Variants in VWF observed in about 807,000 individuals in gnomAD.
The protein encoded by VWF is von Willebrand factor, also known as Factor VIII related antigen.
In VWF, 176 loss-of-function variants were observed where a neutral mutation model predicts 308.6. That is an observed-to-expected ratio of 0.57 (90% CI 0.50 to 0.65). The LOEUF (loss-of-function observed/expected upper bound fraction) is 0.65. VWF is among the 30% of genes least tolerant of loss of function. The pLI, the probability that VWF is intolerant of heterozygous loss-of-function variation, is 0.00. For missense variants in VWF, 3,146 were observed against 3,648.2 expected, an observed-to-expected ratio of 0.86 and a Z score of 3.55; for synonymous variants, 1,385 against 1,443.4, an observed-to-expected ratio of 0.96 and a Z score of 0.92.
chr12:6,064,350 G>A lies in VWF; in HGVS notation c.1328C>T (p.Ser443Phe). Residue 443 changes from serine to phenylalanine, a missense_variant, in exon 12 of 52, where the codon TCC becomes TTC. Physicochemically the swap from Ser to Phe is radical, Grantham distance 155 (BLOSUM62 -2). Transcript: ENST00000261405. ...CAGGCCAGGCAGCCGGACGGTGACGGAGCGGGTGCACACAGCGTCGCGGTC... is the reference window on the plus strand; with the variant it reads ...CAGGCCAGGCAGCCGGACGGTGACGAAGCGGGTGCACACAGCGTCGCGGTC... ...ADDRDAVCTR[S>F]VTVRLPGLHN... The A allele has an allele frequency of 1.9e-6, 3 of 1,614,174 alleles. No individual in the cohort carries two copies. Among genetic ancestry groups the A allele is most frequent in the Non-Finnish European group, 2.5e-6 (3 of 1,180,046 alleles).
At chr12:6,089,741 T>A (rs1945010600) in intron 6 of VWF, among the ~76,000 whole-genome samples, 1 of 151,988 alleles carries the variant, frequency 6.6e-6, no homozygotes, top group Non-Finnish European at 1.5e-5. Context: ...GTTTGCAAAA[T>A]AAAATGAGAC....
Position 6,011,745 on chromosome 12 carries a change from T to C in VWF, c.5714A>G (p.Gln1905Arg). The change falls in exon 34 of 52, where the codon CAG becomes CGG. Residue 1905 changes from glutamine to arginine, a missense_variant. Physicochemically the swap from Gln to Arg is conservative, Grantham distance 43. Transcript: ENST00000261405. ...LPDQCHTVTCQPDGQTLLKSH... is the reference protein window; with the variant it reads ...LPDQCHTVTCRPDGQTLLKSH... The stretch of plus-strand genomic sequence containing the variant: ...CTTCAGCAAGGTCTGGCCATCTGGC[T>C]GGCAAGTCACGGTGTGGCACTGGTC... 1.9e-6 allele frequency: 3 copies of C among 1,613,744 alleles called. No homozygotes were observed. Among genetic ancestry groups the C allele is most frequent in the Non-Finnish European group, 2.5e-6 (3 of 1,179,810 alleles).
Position 5,968,165 on chromosome 12 carries a change from G to A in VWF, c.7732C>T (p.Arg2578Cys), listed in dbSNP as rs369970893. The change falls in exon 46 of 52, where the codon CGC (arginine) becomes TGC (cysteine). Residue 2578 changes from arginine (R) to cysteine (C), a missense_variant and splice_region_variant. This residue lies in a region of VWF where 989 missense variants were observed against 1,117.4 expected (regional missense o/e 0.89). Transcript: ENST00000261405. Reference protein sequence around the residue: ...SACCPSCRCERMEACMLNGTV... With the variant: ...SACCPSCRCECMEACMLNGTV... ...CCATTGAGCATGCAGGCCTCCATGC[G>A]CTCTGGGGGAGAGAAAAGTGCAGAG... 1.3e-5 allele frequency: 21 copies of A among 1,613,910 alleles called. No homozygotes were observed. The highest frequency in any genetic ancestry group is 8.0e-5 in the African/African-American group (6 of 74,926).
chr12:5,959,330 A>C (rs1943284926), intron 47 of VWF, among the ~76,000 whole-genome samples: 1 of 152,234 alleles, frequency 6.6e-6, no homozygotes, highest in Non-Finnish European at 1.5e-5. Flanking sequence ...TGAAGCAAAA[A>C]TGGATAGAAC....
rs372535433 is a variant in VWF, at chr12:6,019,788, G to A, written c.3675-45C>T. On this transcript the variant is annotated intron_variant, in intron 27 of 51. Transcript: ENST00000261405. The surrounding 1 kb of genome is among the most constrained non-coding windows in gnomAD (Gnocchi z 5.8). The stretch of plus-strand genomic sequence containing the variant: ...AATTAAAATGGTTCAGGAAGAACCT[G>A]TGGACACTTCTGAGCCCTACAGTGT... The A allele has an allele frequency of 9.1e-5, 142 of 1,561,528 alleles. 1 individual carries two copies. The highest frequency in any genetic ancestry group is 7.8e-4 in the South Asian group (67 of 86,312).
rs1944021360 is a variant in VWF, at chr12:6,013,540, A to G, written c.5561T>C (p.Ile1854Thr). 3.1e-6 allele frequency: 5 copies of G among 1,614,030 alleles called. No individual in the cohort carries two copies. The highest frequency in any genetic ancestry group is 3.3e-5 in the Admixed American group (2 of 60,000). ...GGTGACCATGGTAGGGAGGTCTTCG[A>G]TTCGCTGGAGCTTCACCACGTTGGA... ...GDSNVVKLQRIEDLPTMVTLG... is the reference protein window; with the variant it reads ...GDSNVVKLQRTEDLPTMVTLG... Residue 1854 changes from isoleucine (I) to threonine (T), a missense_variant, in exon 32 of 52, where the codon ATC becomes ACC. Ile to Thr is a moderately conservative substitution (Grantham distance 89). Transcript: ENST00000261405.
rs1183608806 is a variant in VWF, at chr12:5,998,483, AAAAAAAAAAAAAAAAATAT to A, written c.5843-2280_5843-2262del. 1.3e-4 allele frequency among the ~76,000 whole-genome samples: 8 copies of A among 59,724 alleles called. No homozygotes were observed. In the South Asian group the frequency reaches 2.1e-3, roughly 16 times the overall value. 39.2% of individuals were successfully genotyped at this position (59,724 alleles called of 152,430 possible). A position where few individuals can be genotyped will look rare whatever the true frequency, so the allele number is the denominator to read the frequency against. The stretch of plus-strand genomic sequence containing the variant: ...ACTCCGTCAAAAAAAAAAAAAAAAA[AAAAAAAAAAAAAAAAATAT>A]ATATATATATATATATATATATATA... On this transcript the variant is annotated intron_variant, in intron 34 of 51. Transcript: ENST00000261405.
chr12:6,113,288 G>A (rs1314226684), intron 3 of VWF, among the ~76,000 whole-genome samples: 2 of 150,392 alleles, frequency 1.3e-5, no homozygotes, highest in Non-Finnish European at 2.9e-5. Context: ...AAGTGATTGC[G>A]TAGAGAAACT....
chr12:6,054,797 C>T (rs927450829), intron 15 of VWF, among the ~76,000 whole-genome samples: 7 of 152,178 alleles, frequency 4.6e-5, no homozygotes, highest in Non-Finnish European at 8.8e-5. Context: ...CCTCTTCTTA[C>T]GAATAGATTC....
intron 19 of VWF, 24 bp from the exon 20 acceptor site, chr12:6,034,850 G>A: frequency 6.2e-7 from 1 of 1,612,682 alleles, no homozygotes; most frequent in East Asian, 2.2e-5. Context: ...TGGCAGAGAT[G>A]ACAAGTTGGG....
At chr12:5,972,129 C>T (rs908543818) in intron 43 of VWF, among the ~76,000 whole-genome samples, 16 of 152,176 alleles carry the variant, frequency 1.1e-4, no homozygotes, top group African/African-American at 3.6e-4. Context: ...CCATACAAGA[C>T]GAACACTCGA....
chr12:6,087,651 C>T (rs1281738392), intron 6 of VWF, among the ~76,000 whole-genome samples: 2 of 151,756 alleles, frequency 1.3e-5, no homozygotes, highest in Non-Finnish European at 2.9e-5. Flanking sequence ...AGGCTGAGCC[C>T]CCGCGCCTGG....
intron 34 of VWF, among the ~76,000 whole-genome samples, chr12:6,006,635 C>T (rs1412576734): frequency 6.6e-6 from 1 of 151,896 alleles, no homozygotes; most frequent in Non-Finnish European, 1.5e-5. Context: ...AAAAATTAGC[C>T]AGGCATGGTG....
Position 6,075,375 on chromosome 12 carries a change from C to G in VWF, c.834G>C (p.Glu278Asp). 1 of 1,614,148 alleles carries G rather than the reference C, an allele frequency of 6.2e-7. No homozygotes were observed. Among genetic ancestry groups the G allele is most frequent in the Non-Finnish European group, 8.5e-7 (1 of 1,180,042 alleles). ...LLEYARTCAQ[E>D]GMVLYGWTDH... The stretch of plus-strand genomic sequence containing the variant: ...CGGTCCAGCCGTACAGCACCATTCC[C>G]TCCTGGGCACAGGTCCGGGCGTACT... Residue 278 changes from glutamate to aspartate, a missense_variant, in exon 7 of 52, where the codon GAG (glutamate) becomes GAC (aspartate). By Grantham distance (45) the Glu-to-Asp change is conservative (BLOSUM62 2). Transcript: ENST00000261405. This position sits in a 1 kb window ranked among gnomAD's most constrained non-coding sequence, Gnocchi z 4.7.
At chr12:6,038,414 C>T (rs1420276551) in intron 18 of VWF, among the ~76,000 whole-genome samples, 3 of 152,340 alleles carry the variant, frequency 2.0e-5, no homozygotes, top group Middle Eastern at 3.4e-3. Flanking sequence ...CTCAGCAGCA[C>T]ATGTTGCCCC....
At chr12:5,955,002 C>T (rs1425068437) in intron 47 of VWF, among the ~76,000 whole-genome samples, 1 of 151,562 alleles carries the variant, frequency 6.6e-6, no homozygotes, top group Non-Finnish European at 1.5e-5. Context: ...AAATGAACCA[C>T]CAATAATCTA....
At chr12:5,974,120 T>C (rs1302891433) in intron 43 of VWF, among the ~76,000 whole-genome samples, 2 of 152,192 alleles carry the variant, frequency 1.3e-5, no homozygotes, top group South Asian at 4.1e-4. Context: ...TGGACCGGCA[T>C]ATATGAGCCC....
In VWF at chr12:6,023,667, C is replaced by G; in HGVS notation, c.3343G>C (p.Gly1115Arg). 1 of 1,613,898 alleles carries G rather than the reference C, an allele frequency of 6.2e-7. No individual in the cohort carries two copies. The highest frequency in any genetic ancestry group is 1.7e-4 in the Middle Eastern group (1 of 6,058). ...GCCGTCCTCCAGGTCACCACCTTGC[C>G]ATGCTGGGCACACACGTGGGCATAG... ...AAYAHVCAQH[G>R]KVVTWRTATL... The change falls in exon 25 of 52, where the codon GGC (glycine) becomes CGC (arginine). Residue 1115 changes from glycine (G) to arginine (R), a missense_variant. By Grantham distance (125) the Gly-to-Arg change is moderately radical. Around this residue, in one of 3 missense-constraint regions of VWF, gnomAD observed 853 missense variants for 1,177.8 expected, o/e 0.72. Transcript: ENST00000261405.
At position 6,088,011 on chromosome 12, in the gene VWF, C is replaced by T. The variant is rs534669655; in HGVS notation, c.657+7449G>A. Among the ~76,000 whole-genome samples, 80 of 152,288 alleles carry T rather than the reference C, an allele frequency of 5.3e-4. No homozygotes were observed. In the South Asian group the frequency reaches 7.5e-3, roughly 14 times the overall value. ...ACTGTGCCTCCCTGAGGAAGCCAGG[C>T]CAACACCATCACATGTCATGATGCA... On this transcript the variant is annotated intron_variant, in intron 6 of 51. Transcript: ENST00000261405.
Sources: gnomAD v4.1 joint callset for allele counts (sites outside exome capture counted in the v4.1 genomes callset) on GRCh38, gnomAD v4.1.1 for gene constraint, gnomAD v4.1.1 regional missense constraint, Gnocchi (gnomAD v3.1) non-coding constraint, MANE v1.5 for transcripts, NCBI Gene and HGNC (gene_info 2026-07-23, HGNC 2026-07-21) for gene names.